Variants in ZNF804B observed in about 807,000 individuals in gnomAD.
The protein encoded by ZNF804B is zinc finger 804B.
A neutral mutation model predicts 101.4 loss-of-function variants in ZNF804B; 80 were observed. That is an observed-to-expected ratio of 0.79 (90% CI 0.66 to 0.95). The LOEUF (loss-of-function observed/expected upper bound fraction) is 0.95. ZNF804B is among the 40% of genes least tolerant of loss of function. The pLI is 0.00. For missense variants in ZNF804B, 1,673 were observed against 1,561.9 expected (o/e 1.07, Z -1.20); for synonymous variants, 622 against 558.8 (o/e 1.11, Z -1.59).
intron 3 of ZNF804B, among the ~76,000 whole-genome samples, chr7:89,332,054 T>G (rs1303906239): frequency 2.0e-5 from 3 of 151,182 alleles, no homozygotes; most frequent in Non-Finnish European, 4.4e-5. Context: ...ATCTAATGAA[T>G]TATATATATT....
chr7:89,281,277 T>C (rs996874055), intron 2 of ZNF804B, among the ~76,000 whole-genome samples: 12 of 152,316 alleles, frequency 7.9e-5, no homozygotes, highest in African/African-American at 2.9e-4. Context: ...AAAAAACCAA[T>C]AGCTCTGTAT....
At position 89,334,058 on chromosome 7, in the gene ZNF804B, A is replaced by G. The variant is rs762166397; in HGVS notation, c.1076A>G (p.His359Arg). Reference sequence around the variant, plus strand: ...AACACTTTAGAAAATTGTGTTAATCACCCATGCCAAGCAAATGCTTCCTTC... The same window carrying G: ...AACACTTTAGAAAATTGTGTTAATCGCCCATGCCAAGCAAATGCTTCCTTC... ...LKNTLENCVNHPCQANASFSP... is the reference protein window; with the variant it reads ...LKNTLENCVNRPCQANASFSP... Residue 359 changes from histidine (H) to arginine (R), a missense_variant, in exon 4 of 4, where the codon CAC (histidine) becomes CGC (arginine). His to Arg is a conservative substitution (Grantham distance 29). Coordinates refer to ENST00000333190, the MANE Select transcript of ZNF804B (RefSeq NM_181646.5). The G allele has an allele frequency of 6.2e-7, 1 of 1,613,578 alleles. No individual in the cohort carries two copies. Among genetic ancestry groups the G allele is most frequent in the Non-Finnish European group, 8.5e-7 (1 of 1,179,792 alleles).
At chr7:89,032,014 A>T (rs1214953589) in intron 1 of ZNF804B, among the ~76,000 whole-genome samples, 1 of 152,040 alleles carries the variant, frequency 6.6e-6, no homozygotes, top group Admixed American at 6.6e-5. Flanking sequence ...AGAGGCAAAT[A>T]CTGTGTGATC....
intron 1 of ZNF804B, among the ~76,000 whole-genome samples, chr7:89,038,150 T>A (rs1788957632): frequency 6.6e-6 from 1 of 152,190 alleles, no homozygotes; most frequent in Admixed American, 6.6e-5. Flanking sequence ...GGTGCAGGTA[T>A]CCCCTTGATA....
At chr7:88,801,257 T>C (rs963470028) in intron 1 of ZNF804B, among the ~76,000 whole-genome samples, 14 of 151,226 alleles carry the variant, frequency 9.3e-5, no homozygotes, top group African/African-American at 2.9e-4. Context: ...ATTTTAAATG[T>C]AGCCTGGAGC....
chr7:89,233,909 C>T (rs568141585), intron 2 of ZNF804B, among the ~76,000 whole-genome samples: 7 of 152,306 alleles, frequency 4.6e-5, no homozygotes, highest in African/African-American at 1.7e-4. Context: ...CATGTGTGGC[C>T]ATTGCTCCCT....
chr7:89,032,694 A>G (rs1234400460), intron 1 of ZNF804B, among the ~76,000 whole-genome samples: 1 of 152,138 alleles, frequency 6.6e-6, no homozygotes, highest in African/African-American at 2.4e-5. Flanking sequence ...GATGAAAGTC[A>G]GTTTGAAAAT....
At position 88,873,787 on chromosome 7, in the gene ZNF804B, C is replaced by T. The variant is rs547281796; in HGVS notation, c.108+113703C>T. Reference sequence around the variant, plus strand: ...CAAAGATCAGATAGTCATAGATATGCGGCATTATTTCTGAGGGCTCTGTTC... The same window carrying T: ...CAAAGATCAGATAGTCATAGATATGTGGCATTATTTCTGAGGGCTCTGTTC... On this transcript the variant is annotated intron_variant, in intron 1 of 3. Transcript: ENST00000333190. 1.4e-4 allele frequency among the ~76,000 whole-genome samples: 22 copies of T among 152,114 alleles called. 1 individual carries two copies. Among genetic ancestry groups the T allele is most frequent in the South Asian group, 6.2e-4 (3 of 4,812 alleles).
At chr7:89,271,973 T>C (rs1183755068) in intron 2 of ZNF804B, among the ~76,000 whole-genome samples, 1 of 152,122 alleles carries the variant, frequency 6.6e-6, no homozygotes, top group Non-Finnish European at 1.5e-5. Context: ...TTTTAGGAAG[T>C]TAAGGATTTT....
chr7:88,946,823 G>A (rs973865637), intron 1 of ZNF804B, among the ~76,000 whole-genome samples: 1 of 151,648 alleles, frequency 6.6e-6, no homozygotes, highest in African/African-American at 2.4e-5. Context: ...TCCTGGTTTA[G>A]TCTTGGGATG....
chr7:89,322,419 T>A (rs1177462290), intron 2 of ZNF804B, among the ~76,000 whole-genome samples: 1 of 152,108 alleles, frequency 6.6e-6, no homozygotes, highest in East Asian at 1.9e-4. Context: ...AAATAGAAAT[T>A]AGTAACAATA....
At chr7:89,274,887 T>C (rs1380185464) in intron 2 of ZNF804B, among the ~76,000 whole-genome samples, 1 of 151,880 alleles carries the variant, frequency 6.6e-6, no homozygotes, top group Non-Finnish European at 1.5e-5. Flanking sequence ...CTCCAAATAT[T>C]GGAAGTGTTC....
chr7:88,901,259 T>C (rs1228223153), intron 1 of ZNF804B, among the ~76,000 whole-genome samples: 4 of 152,026 alleles, frequency 2.6e-5, no homozygotes, highest in Non-Finnish European at 5.9e-5. Context: ...ACATTAATTG[T>C]ACTTGTCTGA....
chr7:89,209,612 A>G (rs1788772910), intron 1 of ZNF804B, among the ~76,000 whole-genome samples: 1 of 152,200 alleles, frequency 6.6e-6, no homozygotes, highest in African/African-American at 2.4e-5. Flanking sequence ...AAAGTCTAAA[A>G]CTACCATGTG....
chr7:88,804,782 G>C (rs958668740), intron 1 of ZNF804B, among the ~76,000 whole-genome samples: 11 of 152,076 alleles, frequency 7.2e-5, no homozygotes, highest in African/African-American at 2.6e-4. Flanking sequence ...GTTCAGCTTT[G>C]AACAATTGTC....
intron 1 of ZNF804B, among the ~76,000 whole-genome samples, chr7:88,890,175 C>T (rs1463794551): frequency 6.6e-6 from 1 of 152,114 alleles, no homozygotes; most frequent in African/African-American, 2.4e-5. Flanking sequence ...ATAACACCTT[C>T]ACATAAGTCC....
intron 1 of ZNF804B, among the ~76,000 whole-genome samples, chr7:88,918,822 G>A (rs1372703770): frequency 1.3e-5 from 2 of 152,056 alleles, no homozygotes; most frequent in Admixed American, 6.6e-5. Flanking sequence ...TGACTCAGCA[G>A]TTCCCTGTGA....
intron 1 of ZNF804B, among the ~76,000 whole-genome samples, chr7:89,001,252 A>G (rs1788283613): frequency 6.6e-6 from 1 of 151,054 alleles, no homozygotes; most frequent in African/African-American, 2.4e-5. Context: ...CATGCTAATT[A>G]GCTATATTTA....
At chr7:89,292,760 T>C (rs2115900606) in intron 2 of ZNF804B, among the ~76,000 whole-genome samples, 1 of 152,192 alleles carries the variant, frequency 6.6e-6, no homozygotes, top group African/African-American at 2.4e-5. Context: ...AAAATTATCT[T>C]AATGTAATGA....
Sources: allele counts gnomAD v4.1 joint callset (sites outside exome capture counted in the v4.1 genomes callset), GRCh38; gene constraint gnomAD v4.1.1; transcripts MANE v1.5; gene names NCBI Gene and HGNC (gene_info 2026-07-23, HGNC 2026-07-21).